Variants in NEBL observed in about 807,000 individuals in gnomAD.
NEBL encodes nebulette.
Under a neutral mutation model 140.2 loss-of-function variants are expected in NEBL, and 122 were observed. The ratio of observed to expected loss-of-function variants is 0.87; its 90% CI spans 0.75 to 1.01. The LOEUF (loss-of-function observed/expected upper bound fraction) is 1.01, where lower values mean the gene tolerates loss of function less well. Ranked by LOEUF, NEBL falls within the 50% of genes least tolerant of loss-of-function variation. The probability of loss-of-function intolerance (pLI) is 0.00; values close to 1 mark genes in which losing one functional copy is unlikely to be tolerated. For synonymous variants in NEBL, 436 were observed against 398.9 expected (o/e 1.09, Z -1.11); for missense variants, 1,365 against 1,231.3 (o/e 1.11, Z -1.62).
intron 7 of NEBL, among the ~76,000 whole-genome samples, chr10:20,865,261 T>C (rs1163730495): frequency 6.6e-6 from 1 of 152,182 alleles, no homozygotes; most frequent in Non-Finnish European, 1.5e-5. Flanking sequence ...AAATTATTCC[T>C]ATGAAATTAT....
intron 4 of NEBL, among the ~76,000 whole-genome samples, chr10:20,955,387 T>C (rs1346878742): frequency 2.0e-5 from 3 of 152,204 alleles, no homozygotes; most frequent in Non-Finnish European, 4.4e-5. Flanking sequence ...GACACATCAC[T>C]GTAGCTGGGT....
chr10:20,865,838 G>A (rs1300298417), intron 7 of NEBL, among the ~76,000 whole-genome samples: 1 of 152,100 alleles, frequency 6.6e-6, no homozygotes, highest in African/African-American at 2.4e-5. Context: ...CATCTCTCAT[G>A]TCTGCCTCTC....
At chr10:21,030,027 A>G in intron 2 of NEBL, 1 of 480,974 alleles carries the variant, frequency 2.1e-6, no homozygotes, top group Admixed American at 2.8e-5. Flanking sequence ...AAGCCTCATA[A>G]TACTCCTAAG....
chr10:20,961,684 C>T, exon 4 of NEBL: 5 of 1,611,586 alleles, frequency 3.1e-6, no homozygotes, highest in Non-Finnish European at 4.2e-6. Context: ...TACTGATTTG[C>T]TCCTGAGTCC....
intron 13 of NEBL, among the ~76,000 whole-genome samples, chr10:20,838,562 T>C (rs548210340): frequency 6.6e-6 from 1 of 152,334 alleles, no homozygotes; most frequent in South Asian, 2.1e-4. Flanking sequence ...AACTTTGTCA[T>C]TAAAGCAGCA....
At chr10:20,824,551 A>T (rs922607070) in intron 18 of NEBL, among the ~76,000 whole-genome samples, 5 of 152,238 alleles carry the variant, frequency 3.3e-5, no homozygotes, top group Non-Finnish European at 7.3e-5. Flanking sequence ...CGAGATCTTT[A>T]AATGTTAGAG....
chr10:20,987,589 T>C (rs1312269741), intron 3 of NEBL, among the ~76,000 whole-genome samples: 1 of 152,158 alleles, frequency 6.6e-6, no homozygotes, highest in African/African-American at 2.4e-5. Flanking sequence ...GACTGGAGCA[T>C]GGTGCCAATA....
At chr10:21,280,150 G>A (rs953070165) in intron 1 of NEBL, among the ~76,000 whole-genome samples, 9 of 152,036 alleles carry the variant, frequency 5.9e-5, no homozygotes, top group Admixed American at 2.0e-4. Flanking sequence ...TCCACGGTTC[G>A]TTCCAGTCCA....
chr10:21,251,563 C>G (rs547383635), intron 2 of NEBL, among the ~76,000 whole-genome samples: 40 of 152,212 alleles, frequency 2.6e-4, no homozygotes, highest in Admixed American at 1.1e-3. Flanking sequence ...TCCAAGAGAC[C>G]TTGTTAGAGA....
chr10:20,848,621 G>GAACT (rs60174274), intron 11 of NEBL, among the ~76,000 whole-genome samples: 11,239 of 152,068 alleles, frequency 0.074, 1,313 homozygotes, highest in African/African-American at 0.25. Flanking sequence ...ACCCTATTAT[G>GAACT]AACTGTGCAT....
intron 2 of NEBL, among the ~76,000 whole-genome samples, chr10:21,063,310 CA>C (rs1564497841): frequency 1.3e-5 from 2 of 152,148 alleles, no homozygotes; most frequent in South Asian, 2.1e-4. Flanking sequence ...CCATGATCAC[CA>C]TCAAGGACAT....
Position 20,784,994 on chromosome 10 carries a change from C to T in NEBL, c.*753G>A, listed in dbSNP as rs141574784. On this transcript the variant is annotated 3_prime_UTR_variant, in exon 28 of 28. Coordinates refer to ENST00000377122, the MANE Select transcript of NEBL (RefSeq NM_006393.3). ...TACATGACATGCAACAGGGTAAATGCTACTAGGGAAATTATATCAATGACA... is the reference window on the plus strand; with the variant it reads ...TACATGACATGCAACAGGGTAAATGTTACTAGGGAAATTATATCAATGACA... The T allele has an allele frequency of 6.5e-6, 1 of 152,828 alleles. No individual in the cohort carries two copies. Among genetic ancestry groups the T allele is most frequent in the East Asian group, 1.9e-4 (1 of 5,178 alleles). 9.5% of individuals were successfully genotyped at this position (152,828 alleles called of 1,614,324 possible). A position where few individuals can be genotyped will look rare whatever the true frequency, so the allele number is the denominator to read the frequency against.
intron 2 of NEBL, among the ~76,000 whole-genome samples, chr10:21,111,205 G>C (rs1444508748): frequency 6.6e-6 from 1 of 152,140 alleles, no homozygotes; most frequent in African/African-American, 2.4e-5. Context: ...TCCCCAGCAA[G>C]CTATCACTGA....
At chr10:21,097,186 C>T (rs1837227203) in intron 2 of NEBL, among the ~76,000 whole-genome samples, 1 of 135,628 alleles carries the variant, frequency 7.4e-6, no homozygotes, top group Non-Finnish European at 1.5e-5. Flanking sequence ...GGTGCGGTGG[C>T]TCACGCCTGT....
intron 4 of NEBL, among the ~76,000 whole-genome samples, chr10:20,919,243 T>C (rs1833461337): frequency 6.6e-6 from 1 of 152,192 alleles, no homozygotes; most frequent in Non-Finnish European, 1.5e-5. Context: ...TAGAAAATTA[T>C]GCAACGTACT....
In NEBL at chr10:20,785,579, T is replaced by G; in HGVS notation, c.*168A>C. 1 of 762,456 alleles carries G rather than the reference T, an allele frequency of 1.3e-6. No individual in the cohort carries two copies. The highest frequency in any genetic ancestry group is 2.1e-6 in the Non-Finnish European group (1 of 472,546). 47.2% of individuals were successfully genotyped at this position (762,456 alleles called of 1,614,324 possible). On this transcript the variant is annotated 3_prime_UTR_variant, in exon 28 of 28. Coordinates refer to ENST00000377122, the MANE Select transcript of NEBL (RefSeq NM_006393.3). ...GGAATTACTGAAAATGCTGCTGTTT[T>G]CAGCCCAGAGGTCATTCCTTCTTCC...
At chr10:20,977,928 A>G (rs1233316393) in intron 3 of NEBL, among the ~76,000 whole-genome samples, 1 of 152,236 alleles carries the variant, frequency 6.6e-6, no homozygotes, top group Admixed American at 6.5e-5. Context: ...TTTGCTCGGA[A>G]ACAAACAAGA....
chr10:21,124,761 C>G (rs1455262330), intron 2 of NEBL, among the ~76,000 whole-genome samples: 1 of 152,166 alleles, frequency 6.6e-6, no homozygotes, highest in South Asian at 2.1e-4. Context: ...TGAGACCAAT[C>G]TCGGCAACAT....
intron 3 of NEBL, among the ~76,000 whole-genome samples, chr10:21,007,248 G>A (rs1158551829): frequency 1.3e-5 from 2 of 152,054 alleles, no homozygotes; most frequent in African/African-American, 2.4e-5. Context: ...CACACAACCC[G>A]CACCCAAGAG....
Sources: gnomAD v4.1 joint callset for allele counts (sites outside exome capture counted in the v4.1 genomes callset) on GRCh38, gnomAD v4.1.1 for gene constraint, MANE v1.5 for transcripts, NCBI Gene and HGNC (gene_info 2026-07-23, HGNC 2026-07-21) for gene names.